RORA: variants seen among roughly 807,000 people sequenced by gnomAD.
The protein encoded by RORA is nuclear receptor ROR-alpha.
RORA carries 7 observed loss-of-function variants against 69.5 expected under a neutral mutation model. That is an observed-to-expected ratio of 0.10 (90% CI 0.06 to 0.19). The LOEUF is 0.19. Among genes scored for constraint, RORA ranks in the 10% least tolerant of loss-of-function variants. The pLI, the probability that RORA is intolerant of heterozygous loss-of-function variation, is 1.00. For missense variants in RORA, 457 were observed against 663.0 expected (o/e 0.69, Z 3.41); for synonymous variants, 261 against 240.8 (o/e 1.08, Z -0.78).
chr15:60,911,151 T>C (rs576442067), intron 1 of RORA, among the ~76,000 whole-genome samples: 2 of 145,516 alleles, frequency 1.4e-5, no homozygotes, highest in African/African-American at 5.2e-5. Flanking sequence ...GCCAGGCTGG[T>C]CTCGAATTCC....
At chr15:60,574,612 G>A (rs1035413624) in intron 2 of RORA, among the ~76,000 whole-genome samples, 1 of 152,226 alleles carries the variant, frequency 6.6e-6, no homozygotes, top group Admixed American at 6.5e-5. Context: ...GGATGGGGAT[G>A]TTAATAACAA....
chr15:60,760,588 A>G (rs1222409396), intron 1 of RORA, among the ~76,000 whole-genome samples: 1 of 152,170 alleles, frequency 6.6e-6, no homozygotes, highest in African/African-American at 2.4e-5. Flanking sequence ...TATTTATGGA[A>G]TATTTCATCT....
intron 1 of RORA, among the ~76,000 whole-genome samples, chr15:60,872,314 A>T (rs771492769): frequency 3.9e-5 from 6 of 152,206 alleles, no homozygotes; most frequent in Non-Finnish European, 8.8e-5. Context: ...TGAAAACCTA[A>T]AAGGATAACA....
At chr15:61,007,650 T>C (rs1355126542) in intron 1 of RORA, among the ~76,000 whole-genome samples, 1 of 151,038 alleles carries the variant, frequency 6.6e-6, no homozygotes, top group Admixed American at 6.6e-5. Context: ...CAAAGGATTA[T>C]GACAGCATGA....
intron 1 of RORA, among the ~76,000 whole-genome samples, chr15:61,215,558 C>A (rs2080033404): frequency 6.6e-6 from 1 of 152,198 alleles, no homozygotes; most frequent in Non-Finnish European, 1.5e-5. Context: ...CATTCATAAT[C>A]AACTTGTTAA....
chr15:60,638,404 T>G (rs2069879455), intron 2 of RORA, among the ~76,000 whole-genome samples: 1 of 147,566 alleles, frequency 6.8e-6, no homozygotes, highest in Non-Finnish European at 1.5e-5. Flanking sequence ...TTTTTTTTTG[T>G]CAAATGGTAT....
At chr15:61,080,432 G>C (rs1054850642) in intron 1 of RORA, among the ~76,000 whole-genome samples, 3 of 152,140 alleles carry the variant, frequency 2.0e-5, no homozygotes, top group Non-Finnish European at 4.4e-5. Context: ...CCAGCTCCTG[G>C]TACAATAATG....
intron 1 of RORA, among the ~76,000 whole-genome samples, chr15:61,005,613 C>A (rs562613943): frequency 1.3e-5 from 2 of 152,278 alleles, no homozygotes; most frequent in East Asian, 3.9e-4. Flanking sequence ...TATATACATA[C>A]ACACACATAT....
At chr15:60,754,031 C>G (rs774600306) in intron 1 of RORA, among the ~76,000 whole-genome samples, 1 of 152,224 alleles carries the variant, frequency 6.6e-6, no homozygotes, top group Non-Finnish European at 1.5e-5. Context: ...GCTCTTCTTC[C>G]TCAACCTCCT....
At chr15:60,867,724 T>C (rs1278526176) in intron 1 of RORA, among the ~76,000 whole-genome samples, 1 of 152,234 alleles carries the variant, frequency 6.6e-6, no homozygotes, top group African/African-American at 2.4e-5. Flanking sequence ...TCTCTTGATA[T>C]TCTCTATATG....
At chr15:60,658,641 C>T (rs2070258496) in intron 2 of RORA, among the ~76,000 whole-genome samples, 1 of 152,134 alleles carries the variant, frequency 6.6e-6, no homozygotes, top group African/African-American at 2.4e-5. Flanking sequence ...TCTTGAAAAC[C>T]TCTCTTTTAA....
chr15:60,523,479 T>G (rs1463875399), intron 3 of RORA, among the ~76,000 whole-genome samples: 1 of 152,228 alleles, frequency 6.6e-6, no homozygotes, highest in Non-Finnish European at 1.5e-5. Context: ...ACCAAAGTTA[T>G]CTACATACAG....
intron 1 of RORA, among the ~76,000 whole-genome samples, chr15:60,861,492 C>A (rs2073435185): frequency 6.6e-6 from 1 of 152,134 alleles, no homozygotes; most frequent in African/African-American, 2.4e-5. Flanking sequence ...AAGCAAAAGG[C>A]AGACAGTCAC....
At chr15:60,996,742 C>T (rs1230876473) in intron 1 of RORA, among the ~76,000 whole-genome samples, 1 of 152,066 alleles carries the variant, frequency 6.6e-6, no homozygotes, top group Non-Finnish European at 1.5e-5. Flanking sequence ...AACCCCGTCT[C>T]TACTAAAAAT....
chr15:60,542,809 C>G (rs2066935401), intron 2 of RORA, among the ~76,000 whole-genome samples: 1 of 151,904 alleles, frequency 6.6e-6, no homozygotes, highest in Admixed American at 6.6e-5. Context: ...TGCTGAGAAC[C>G]TGCATGACTG....
At chr15:60,692,530 T>C (rs2070842644) in intron 1 of RORA, among the ~76,000 whole-genome samples, 1 of 152,188 alleles carries the variant, frequency 6.6e-6, no homozygotes, top group African/African-American at 2.4e-5. Context: ...CACTGGGCAT[T>C]TACTTTTGAG....
chr15:60,807,650 G>A (rs2072678464), intron 1 of RORA, among the ~76,000 whole-genome samples: 1 of 152,098 alleles, frequency 6.6e-6, no homozygotes, highest in Non-Finnish European at 1.5e-5. Flanking sequence ...AAATCTGGAG[G>A]CATCACATTA....
intron 2 of RORA, among the ~76,000 whole-genome samples, chr15:60,562,472 G>T (rs1270070693): frequency 1.3e-5 from 2 of 150,598 alleles, no homozygotes; most frequent in East Asian, 3.9e-4. Flanking sequence ...GTCTTGCTCT[G>T]TCGCCCAGGC....
At chr15:60,520,190 T>C (rs1034477093) in intron 3 of RORA, 2 of 152,178 alleles carry the variant, frequency 1.3e-5, no homozygotes, top group Non-Finnish European at 2.9e-5. Flanking sequence ...GCGATCTTTC[T>C]TTTGGATTAA....
Sources: gnomAD v4.1 joint callset for allele counts (sites outside exome capture counted in the v4.1 genomes callset) on GRCh38, gnomAD v4.1.1 for gene constraint, MANE v1.5 for transcripts, NCBI Gene and HGNC (gene_info 2026-07-23, HGNC 2026-07-21) for gene names.